NTNG1: variants seen among roughly 807,000 people sequenced by gnomAD.
The protein encoded by NTNG1 is netrin-G1.
Under a neutral mutation model 54.0 loss-of-function variants are expected in NTNG1, and 16 were observed. That is an observed-to-expected ratio of 0.30 (90% confidence interval 0.20 to 0.45). NTNG1 has a LOEUF of 0.45. Ranked by LOEUF, NTNG1 falls within the 20% of genes least tolerant of loss-of-function variation. The probability of loss-of-function intolerance (pLI) is 1.00; values close to 1 mark genes in which losing one functional copy is unlikely to be tolerated. For synonymous variants in NTNG1, 255 were observed against 263.1 expected (o/e 0.97, Z 0.30); for missense variants, 530 against 678.7 (o/e 0.78, Z 2.43).
chr1:107,281,748 A>G (rs1340364613), intron 2 of NTNG1, among the ~76,000 whole-genome samples: 4 of 152,122 alleles, frequency 2.6e-5, no homozygotes, highest in African/African-American at 9.7e-5. Context: ...CTGCATATCA[A>G]TATTTGCTAA....
At chr1:107,183,122 G>A (rs1303727450) in intron 2 of NTNG1, among the ~76,000 whole-genome samples, 1 of 152,160 alleles carries the variant, frequency 6.6e-6, no homozygotes, top group African/African-American at 2.4e-5. Context: ...ATTTAATTCC[G>A]TGCTGGAAGA....
At chr1:107,146,615 A>G (rs1305556457) in intron 1 of NTNG1, among the ~76,000 whole-genome samples, 1 of 152,098 alleles carries the variant, frequency 6.6e-6, no homozygotes, top group Non-Finnish European at 1.5e-5. Flanking sequence ...GTTTATACAT[A>G]TTTAGACAAA....
intron 7 of NTNG1, among the ~76,000 whole-genome samples, chr1:107,448,333 A>C (rs530466431): frequency 6.6e-6 from 1 of 152,110 alleles, no homozygotes; most frequent in East Asian, 1.9e-4. Flanking sequence ...AGTCTTGCCA[A>C]TTATAAACCC....
intron 2 of NTNG1, among the ~76,000 whole-genome samples, chr1:107,177,625 T>G (rs1460398446): frequency 6.6e-6 from 1 of 152,078 alleles, no homozygotes; most frequent in Non-Finnish European, 1.5e-5. Context: ...GAACCACCGC[T>G]CCCGGCCTTA....
chr1:107,361,352 TTATATAAC>T (rs1670268317), intron 3 of NTNG1, among the ~76,000 whole-genome samples: 1 of 123,986 alleles, frequency 8.1e-6, no homozygotes, highest in Non-Finnish European at 1.7e-5. Flanking sequence ...AATATATACA[TTATATAAC>T]ATATATATAT....
chr1:107,250,857 A>T (rs985657707), intron 2 of NTNG1, among the ~76,000 whole-genome samples: 2 of 152,232 alleles, frequency 1.3e-5, no homozygotes, highest in Admixed American at 1.3e-4. Context: ...CTTGGTTCTG[A>T]AGTGGGAATC....
intron 7 of NTNG1, among the ~76,000 whole-genome samples, chr1:107,475,693 C>T (rs1287958580): frequency 6.6e-6 from 1 of 152,180 alleles, no homozygotes; most frequent in Non-Finnish European, 1.5e-5. Context: ...GACAACTGCC[C>T]TTCTTCATTG....
rs562771884 is a variant in NTNG1 at position 107,168,567 on chromosome 1, A to T, written c.246+19728A>T. ...AGAAGTGGAACTACTTTGTGGTGAC[A>T]TTTACCAAGGACAACAAAATAAACC... On this transcript the variant is annotated intron_variant, in intron 2 of 7. Transcript: ENST00000370068. Among the ~76,000 whole-genome samples the T allele has an allele frequency of 3.3e-5, 5 of 152,272 alleles. No homozygotes were observed. The East Asian group carries it at 9.6e-4, about 29-fold the overall frequency.
intron 7 of NTNG1, among the ~76,000 whole-genome samples, chr1:107,442,642 A>T (rs1322704021): frequency 1.3e-5 from 2 of 152,128 alleles, no homozygotes; most frequent in Non-Finnish European, 2.9e-5. Context: ...TATAAGTGGC[A>T]AAGGAACTAA....
At chr1:107,245,595 T>TA (rs1326265052) in intron 2 of NTNG1, among the ~76,000 whole-genome samples, 1 of 152,274 alleles carries the variant, frequency 6.6e-6, no homozygotes, top group African/African-American at 2.4e-5. Flanking sequence ...TTGTAATCAA[T>TA]ACTGTTTTCT....
chr1:107,243,343 A>G lies in NTNG1; in HGVS notation c.247-80939A>G, dbSNP rs1262845743. Among the ~76,000 whole-genome samples, 9 of 152,228 alleles carry G rather than the reference A, an allele frequency of 5.9e-5. No homozygotes were observed. The South Asian group carries it at 1.4e-3, about 24-fold the overall frequency. ...CAAGGAATAACCTAAATGAACACGA[A>G]TAGGGACTATTTAAATAAGTCATGG... On this transcript the variant is annotated intron_variant, in intron 2 of 7. Transcript: ENST00000370068.
intron 2 of NTNG1, among the ~76,000 whole-genome samples, chr1:107,287,482 A>C (rs530148119): frequency 6.6e-6 from 1 of 152,272 alleles, no homozygotes; most frequent in South Asian, 2.1e-4. Context: ...GTGCAGTGGC[A>C]TGTGCCTGTA....
At chr1:107,312,261 A>G (rs891461614) in intron 2 of NTNG1, among the ~76,000 whole-genome samples, 2 of 152,162 alleles carry the variant, frequency 1.3e-5, no homozygotes, top group Non-Finnish European at 2.9e-5. Flanking sequence ...GATGAAGAAT[A>G]AGGAATATAA....
chr1:107,140,546 T>G (rs1653576789), upstream of NTNG1, among the ~76,000 whole-genome samples: 1 of 152,136 alleles, frequency 6.6e-6, no homozygotes. Flanking sequence ...GTGACATTTC[T>G]GACTTGAGTG....
intron 2 of NTNG1, among the ~76,000 whole-genome samples, chr1:107,192,954 C>T (rs1658070041): frequency 6.6e-6 from 1 of 151,908 alleles, no homozygotes. Flanking sequence ...TTTCAAATTC[C>T]ATGTGTATCA....
chr1:107,295,370 T>C (rs910684327), intron 2 of NTNG1, among the ~76,000 whole-genome samples: 3 of 152,212 alleles, frequency 2.0e-5, no homozygotes, highest in Non-Finnish European at 2.9e-5. Flanking sequence ...GTGGATTAAA[T>C]AAGCCAGCTT....
chr1:107,354,970 T>C (rs1162494373), intron 3 of NTNG1, among the ~76,000 whole-genome samples: 1 of 152,192 alleles, frequency 6.6e-6, no homozygotes, highest in African/African-American at 2.4e-5. Context: ...ATCCTAAAAA[T>C]AATTCACCCT....
intron 2 of NTNG1, among the ~76,000 whole-genome samples, chr1:107,210,110 A>G (rs1659504833): frequency 6.6e-6 from 1 of 152,150 alleles, no homozygotes; most frequent in Non-Finnish European, 1.5e-5. Flanking sequence ...CAGTGAGGAC[A>G]TTAACGGAGG....
chr1:107,477,686 A>G (rs766995024), intron 7 of NTNG1, among the ~76,000 whole-genome samples: 8 of 150,818 alleles, frequency 5.3e-5, no homozygotes, highest in African/African-American at 4.9e-5. Flanking sequence ...TTATACTATC[A>G]TGTGAGTTTC....
Sources: allele counts gnomAD v4.1 joint callset (sites outside exome capture counted in the v4.1 genomes callset), GRCh38; gene constraint gnomAD v4.1.1; transcripts MANE v1.5; gene names NCBI Gene and HGNC (gene_info 2026-07-23, HGNC 2026-07-21).